The following CFAP299 variants were observed in gnomAD, a reference collection of about 807,000 sequenced individuals.
The protein encoded by CFAP299 is cilia- and flagella-associated protein 299.
In CFAP299, 21 loss-of-function variants were observed where a neutral mutation model predicts 27.0. The observed-to-expected ratio is 0.78, with a 90% CI of 0.55 to 1.12. CFAP299 has a LOEUF of 1.12. Among genes scored for constraint, CFAP299 ranks in the 50% most tolerant of loss-of-function variants. CFAP299 has a pLI of 0.00. For synonymous variants in CFAP299, 104 were observed against 98.1 expected, an observed-to-expected ratio of 1.06 and a Z score of -0.36; for missense variants, 310 against 276.6, an observed-to-expected ratio of 1.12 and a Z score of -0.86.
chr4:80,850,795 G>GTT (rs1277166638), intron 3 of CFAP299, among the ~76,000 whole-genome samples: 2 of 152,170 alleles, frequency 1.3e-5, no homozygotes, highest in Middle Eastern at 3.4e-3. Flanking sequence ...CAGGAAAGTA[G>GTT]TTATGATAGT....
Position 80,664,194 on chromosome 4 carries a change from G to A in CFAP299, c.333+81011G>A, listed in dbSNP as rs993929701. ...AAGCACAAAACTGGGCGGCTGTTTGGGCAGACACCAAGCTAGCTGGAGGAG... is the reference window on the plus strand; with the variant it reads ...AAGCACAAAACTGGGCGGCTGTTTGAGCAGACACCAAGCTAGCTGGAGGAG... On this transcript the variant is annotated intron_variant, in intron 3 of 5. Transcript: ENST00000358105. 3.3e-5 allele frequency among the ~76,000 whole-genome samples: 5 copies of A among 152,174 alleles called. No individual in the cohort carries two copies. In the East Asian group the frequency reaches 9.7e-4, roughly 30 times the overall value.
chr4:80,926,910 G>T lies in CFAP299; in HGVS notation c.477-17900G>T, dbSNP rs553934654. On this transcript the variant is annotated intron_variant, in intron 4 of 5. Transcript: ENST00000358105. The stretch of plus-strand genomic sequence containing the variant: ...TATGTCAGATGGCAAAGACTAGCTG[G>T]TCGAACAGCTGTACTTATTTCACCT... Among the ~76,000 whole-genome samples, 30 of 152,150 alleles carry T rather than the reference G, an allele frequency of 2.0e-4. 1 individual carries two copies. Among genetic ancestry groups the T allele is most frequent in the African/African-American group, 7.2e-4 (30 of 41,530 alleles).
chr4:80,688,187 C>T (rs1262114873), intron 3 of CFAP299, among the ~76,000 whole-genome samples: 1 of 152,236 alleles, frequency 6.6e-6, no homozygotes, highest in Non-Finnish European at 1.5e-5. Context: ...TGGAACCCAC[C>T]ACAGCTCAAG....
chr4:80,604,354 C>T (rs532557155), intron 3 of CFAP299, among the ~76,000 whole-genome samples: 3 of 152,128 alleles, frequency 2.0e-5, no homozygotes, highest in African/African-American at 7.2e-5. Context: ...GTTTGGCTAG[C>T]TGTCAGTAAG....
chr4:80,665,711 A>G (rs979864439), intron 3 of CFAP299, among the ~76,000 whole-genome samples: 2 of 152,232 alleles, frequency 1.3e-5, no homozygotes, highest in Non-Finnish European at 1.5e-5. Flanking sequence ...CACCCAAATT[A>G]CATGTTAAAA....
Position 80,491,096 on chromosome 4 carries a change from A to G in CFAP299, c.243-91997A>G, listed in dbSNP as rs546137283. 2.6e-5 allele frequency among the ~76,000 whole-genome samples: 4 copies of G among 152,220 alleles called. No individual in the cohort carries two copies. The South Asian group carries it at 8.3e-4, about 32-fold the overall frequency. On this transcript the variant is annotated intron_variant, in intron 2 of 5. Coordinates refer to ENST00000358105, the MANE Select transcript of CFAP299 (RefSeq NM_152770.3). ...CAAAATGCTTTAATATGTTTAAAAT[A>G]TAGATATCATTCAGCTTGAATCAAA...
At chr4:80,508,316 TGTG>T (rs1419821379) in intron 2 of CFAP299, among the ~76,000 whole-genome samples, 1 of 152,216 alleles carries the variant, frequency 6.6e-6, no homozygotes, top group Non-Finnish European at 1.5e-5. Flanking sequence ...TTTTCTATAA[TGTG>T]GTGGAAACAG....
At chr4:80,364,548 G>T (rs2110001026) in intron 2 of CFAP299, among the ~76,000 whole-genome samples, 1 of 152,226 alleles carries the variant, frequency 6.6e-6, no homozygotes, top group Admixed American at 6.5e-5. Flanking sequence ...CTGTTTTAAA[G>T]TCAATAATAT....
chr4:80,542,386 G>A (rs1350505116), intron 2 of CFAP299, among the ~76,000 whole-genome samples: 3 of 152,100 alleles, frequency 2.0e-5, no homozygotes, highest in African/African-American at 7.2e-5. Flanking sequence ...CCAGAATATC[G>A]AGTAAACTGT....
intron 3 of CFAP299, among the ~76,000 whole-genome samples, chr4:80,663,597 C>T (rs1291392232): frequency 2.0e-5 from 3 of 152,278 alleles, no homozygotes; most frequent in Admixed American, 6.5e-5. Flanking sequence ...AATAGACATA[C>T]GTGTGCATGT....
intron 3 of CFAP299, among the ~76,000 whole-genome samples, chr4:80,866,737 C>G (rs903735884): frequency 6.6e-6 from 1 of 151,924 alleles, no homozygotes; most frequent in Admixed American, 6.6e-5. Flanking sequence ...CAAGAATTCA[C>G]AAAAATCACA....
At chr4:80,473,999 A>T (rs1730148275) in intron 2 of CFAP299, among the ~76,000 whole-genome samples, 1 of 152,192 alleles carries the variant, frequency 6.6e-6, no homozygotes, top group Non-Finnish European at 1.5e-5. Context: ...ACTACTTAAA[A>T]ATTATGATTT....
At position 80,546,787 on chromosome 4, in the gene CFAP299, CA is replaced by C. The variant is rs536912232; in HGVS notation, c.243-36305del. ...GAGTAAAAGTTCCCTGAGACTCTCT[CA>C]GAAGCTGAACAGATGACAGCACCAT... On this transcript the variant is annotated intron_variant, in intron 2 of 5. Transcript: ENST00000358105. Among the ~76,000 whole-genome samples the C allele has an allele frequency of 2.5e-3, 388 of 152,272 alleles. 3 individuals are homozygous for C. The highest frequency in any genetic ancestry group is 1.6e-3 in the Non-Finnish European group (111 of 68,016).
At chr4:80,407,432 G>A (rs1726487759) in intron 2 of CFAP299, among the ~76,000 whole-genome samples, 1 of 152,170 alleles carries the variant, frequency 6.6e-6, no homozygotes, top group Non-Finnish European at 1.5e-5. Context: ...GGCTGGGGCT[G>A]CCTGGTCTGG....
intron 3 of CFAP299, among the ~76,000 whole-genome samples, chr4:80,659,387 T>C (rs1267551588): frequency 4.6e-5 from 7 of 151,530 alleles, no homozygotes; most frequent in Non-Finnish European, 1.0e-4. Context: ...TATTTTGTAA[T>C]ACACATAAGC....
intron 3 of CFAP299, among the ~76,000 whole-genome samples, chr4:80,793,862 A>G (rs896983524): frequency 1.1e-4 from 17 of 152,190 alleles, no homozygotes; most frequent in Non-Finnish European, 1.9e-4. Context: ...TGTAGCTGGT[A>G]TTAATGACTA....
chr4:80,816,343 G>C (rs963136451), intron 3 of CFAP299, among the ~76,000 whole-genome samples: 1 of 151,958 alleles, frequency 6.6e-6, no homozygotes, highest in Non-Finnish European at 1.5e-5. Flanking sequence ...TGAGAAAAAA[G>C]GATTTATTAG....
At chr4:80,750,883 G>T (rs946895512) in intron 3 of CFAP299, among the ~76,000 whole-genome samples, 2 of 152,086 alleles carry the variant, frequency 1.3e-5, no homozygotes, top group Non-Finnish European at 2.9e-5. Flanking sequence ...AGAGGAAAAG[G>T]AACATGAGGA....
At chr4:80,651,426 C>T (rs185654623) in intron 3 of CFAP299, among the ~76,000 whole-genome samples, 81 of 149,330 alleles carry the variant, frequency 5.4e-4, no homozygotes, top group Admixed American at 1.3e-3. Context: ...ACTGCAGTGG[C>T]ACGATCTCAG....
Sources: gnomAD v4.1 joint callset for allele counts (sites outside exome capture counted in the v4.1 genomes callset) on GRCh38, gnomAD v4.1.1 for gene constraint, MANE v1.5 for transcripts, NCBI Gene and HGNC (gene_info 2026-07-23, HGNC 2026-07-21) for gene names.